The following ABCC11 variants were observed in gnomAD, a reference collection of about 807,000 sequenced individuals.
ABCC11 encodes ATP binding cassette subfamily C member 11.
ABCC11 carries 135 observed loss-of-function variants against 149.3 expected under a neutral mutation model. That is an observed-to-expected ratio of 0.90 (90% confidence interval 0.79 to 1.04). The LOEUF (loss-of-function observed/expected upper bound fraction) is 1.04. Among genes scored for constraint, ABCC11 ranks in the 50% least tolerant of loss-of-function variants. ABCC11 has a pLI of 0.00. For missense variants in ABCC11, 1,680 were observed against 1,722.1 expected (o/e 0.98, Z 0.43); for synonymous variants, 665 against 671.4 (o/e 0.99, Z 0.15).
At chr16:48,201,856 C>T (rs2150825265) in intron 14 of ABCC11, among the ~76,000 whole-genome samples, 1 of 152,328 alleles carries the variant, frequency 6.6e-6, no homozygotes, top group East Asian at 1.9e-4. Flanking sequence ...TGCCAGCTGG[C>T]CCATCCCTCC....
intron 1 of ABCC11, among the ~76,000 whole-genome samples, chr16:48,237,908 G>A (rs758512375): frequency 6.6e-6 from 1 of 152,100 alleles, no homozygotes; most frequent in East Asian, 1.9e-4. Context: ...TTCAAATGTC[G>A]TCTTTTCAGA....
intron 23 of ABCC11, among the ~76,000 whole-genome samples, chr16:48,182,424 G>A (rs912353339): frequency 2.6e-5 from 4 of 152,010 alleles, no homozygotes; most frequent in South Asian, 2.1e-4. Context: ...GGCACTGGCC[G>A]TGCTCTCTTC....
intron 23 of ABCC11, among the ~76,000 whole-genome samples, chr16:48,183,638 C>G (rs1966581634): frequency 6.6e-6 from 1 of 152,208 alleles, no homozygotes; most frequent in Admixed American, 6.5e-5. Flanking sequence ...TGGCATGTGC[C>G]TGTAATCCCA....
At chr16:48,195,210 G>C (rs1967285398) in intron 18 of ABCC11, among the ~76,000 whole-genome samples, 1 of 152,200 alleles carries the variant, frequency 6.6e-6, no homozygotes. Context: ...TCTCCAGCTA[G>C]ATTCCAGGGT....
chr16:48,217,485 T>G (rs1374695779), intron 6 of ABCC11, among the ~76,000 whole-genome samples: 2 of 152,050 alleles, frequency 1.3e-5, no homozygotes, highest in Non-Finnish European at 2.9e-5. Context: ...AGTCCCAGCT[T>G]CTCAGGAGGC....
intron 17 of ABCC11, 136 bp from the exon 18 acceptor site, chr16:48,196,457 A>G (rs1009303203): frequency 1.3e-5 from 10 of 774,930 alleles, no homozygotes; most frequent in Admixed American, 2.3e-5. Flanking sequence ...AAGGTTTTTC[A>G]TGGAAGACTC....
Position 48,187,193 on chromosome 16 carries a change from C to G in ABCC11, c.2933+8G>C, listed in dbSNP as rs1182398991. 1.2e-6 allele frequency: 2 copies of G among 1,613,920 alleles called. No individual in the cohort carries two copies. Among genetic ancestry groups the G allele is most frequent in the Non-Finnish European group, 8.5e-7 (1 of 1,179,922 alleles). On this transcript the variant is annotated splice_region_variant and intron_variant, in intron 21 of 29. Transcript: ENST00000356608. The stretch of plus-strand genomic sequence containing the variant: ...TCCCCAAGTCACAAGCAAAAAGAAC[C>G]TACTCACATATAATAAATGAAGCAA...
In ABCC11 at chr16:48,167,159, T is replaced by C; in HGVS notation, c.*115A>G. ...CCACCCCCCCTACATTTACCCCTGCTTCCAGGAGAAGTTCTCATCTCCAAA... is the reference window on the plus strand; with the variant it reads ...CCACCCCCCCTACATTTACCCCTGCCTCCAGGAGAAGTTCTCATCTCCAAA... On this transcript the variant is annotated 3_prime_UTR_variant, in exon 30 of 30. Transcript: ENST00000356608. 1.3e-5 allele frequency: 6 copies of C among 461,410 alleles called. No individual in the cohort carries two copies. The highest frequency in any genetic ancestry group is 3.6e-5 in the South Asian group (2 of 55,958). 28.6% of individuals were successfully genotyped at this position (461,410 alleles called of 1,614,324 possible).
intron 23 of ABCC11, among the ~76,000 whole-genome samples, chr16:48,180,720 T>C (rs1966376085): frequency 6.6e-6 from 1 of 152,140 alleles, no homozygotes; most frequent in Non-Finnish European, 1.5e-5. Flanking sequence ...CAGGACCCCA[T>C]AGCTGAGGTT....
intron 26 of ABCC11, 45 bp from the exon 27 acceptor site, chr16:48,171,012 C>A: frequency 6.8e-7 from 1 of 1,470,856 alleles, no homozygotes. Flanking sequence ...ATCACCCAGG[C>A]TTTGAACACT....
chr16:48,189,235 G>A lies in ABCC11; in HGVS notation c.2707-1808C>T, dbSNP rs560900888. Among the ~76,000 whole-genome samples, 3 of 152,338 alleles carry A rather than the reference G, an allele frequency of 2.0e-5. No homozygotes were observed. The East Asian group carries it at 5.8e-4, about 29-fold the overall frequency. On this transcript the variant is annotated intron_variant, in intron 20 of 29. Coordinates refer to ENST00000356608, the MANE Select transcript of ABCC11 (RefSeq NM_001370497.1). ...CTCTGAGCACACCTTGCAGGTGCGG[G>A]GCATGGCAGGGTTGTGGAGGGGACA...
At chr16:48,243,172 C>T (rs1049588843) in intron 1 of ABCC11, among the ~76,000 whole-genome samples, 1 of 151,082 alleles carries the variant, frequency 6.6e-6, no homozygotes, top group East Asian at 1.9e-4. Flanking sequence ...GAGGCCAAGG[C>T]GGGCAGATCA....
chr16:48,200,227 G>A, intron 15 of ABCC11, 49 bp downstream of exon 15: 1 of 1,571,448 alleles, frequency 6.4e-7, no homozygotes, highest in Non-Finnish European at 8.7e-7. Flanking sequence ...AAGGCTTGAG[G>A]ATCTACGTTA....
chr16:48,226,139 CA>C (rs1970055770), intron 4 of ABCC11, among the ~76,000 whole-genome samples: 1 of 151,836 alleles, frequency 6.6e-6, no homozygotes, highest in Non-Finnish European at 1.5e-5. Context: ...TGCAGTGGCG[CA>C]ATCTTGGCTC....
chr16:48,239,561 CAA>C (rs756121627), intron 1 of ABCC11, among the ~76,000 whole-genome samples: 1,339 of 46,994 alleles, frequency 0.028, 5 homozygotes, highest in African/African-American at 0.082. Context: ...GACTGTGTCA[CAA>C]AAAAAAAAAA....
chr16:48,180,048 A>G (rs1197403422), intron 23 of ABCC11, among the ~76,000 whole-genome samples: 1 of 152,210 alleles, frequency 6.6e-6, no homozygotes, highest in African/African-American at 2.4e-5. Context: ...CCCATCCCTC[A>G]GTGTATCACA....
At chr16:48,226,994 T>C (rs983252675) in intron 4 of ABCC11, among the ~76,000 whole-genome samples, 7 of 152,220 alleles carry the variant, frequency 4.6e-5, no homozygotes, top group African/African-American at 7.2e-5. Context: ...CACATATTCA[T>C]ATTCTCCCAC....
intron 9 of ABCC11, among the ~76,000 whole-genome samples, chr16:48,214,538 C>T (rs1239089343): frequency 1.3e-5 from 2 of 152,140 alleles, no homozygotes; most frequent in African/African-American, 4.8e-5. Flanking sequence ...AGACGCTATA[C>T]CTTTGTATTT....
intron 24 of ABCC11, 42 bp downstream of exon 24, chr16:48,178,555 A>C: frequency 6.3e-7 from 1 of 1,595,000 alleles, no homozygotes; most frequent in Non-Finnish European, 8.6e-7. Context: ...TCATGCCCCA[A>C]CTTGCATGGC....
Sources: gnomAD v4.1 joint callset for allele counts (sites outside exome capture counted in the v4.1 genomes callset) on GRCh38, gnomAD v4.1.1 for gene constraint, MANE v1.5 for transcripts, NCBI Gene and HGNC (gene_info 2026-07-23, HGNC 2026-07-21) for gene names.